Variants in NYNRIN observed in about 807,000 individuals in gnomAD.
NYNRIN encodes the protein protein NYNRIN.
In NYNRIN, 86 loss-of-function variants were observed where a neutral mutation model predicts 146.6. The observed-to-expected ratio is 0.59, with a 90% confidence interval of 0.49 to 0.70. The LOEUF (loss-of-function observed/expected upper bound fraction) is 0.70. Among genes scored for constraint, NYNRIN ranks in the 30% least tolerant of loss-of-function variants. The pLI is 0.00. For synonymous variants in NYNRIN, 1,027 were observed against 1,001.3 expected, an observed-to-expected ratio of 1.03 and a Z score of -0.48; for missense variants, 2,191 against 2,377.7, an observed-to-expected ratio of 0.92 and a Z score of 1.63.
rs568468228 is a variant in NYNRIN, at chr14:24,411,643, T to C, written c.2642+193T>C. On this transcript the variant is annotated intron_variant, in intron 6 of 8. Transcript: ENST00000382554. This position sits in a 1 kb window ranked among gnomAD's most constrained non-coding sequence, Gnocchi z 4.3. Reference sequence around the variant, plus strand: ...GGCACATTGAGGAAAGGGCTTGAGGTTGGCTCTCCCCAAGCCCGGAGTTGT... The same window carrying C: ...GGCACATTGAGGAAAGGGCTTGAGGCTGGCTCTCCCCAAGCCCGGAGTTGT... Among the ~76,000 whole-genome samples, 1 of 152,264 alleles carries C rather than the reference T, an allele frequency of 6.6e-6. No homozygotes were observed. Among genetic ancestry groups the C allele is most frequent in the Admixed American group, 6.5e-5 (1 of 15,304 alleles).
chr14:24,410,347 C>CAA, intron 4 of NYNRIN, 139 bp downstream of exon 4: 1 of 693,640 alleles, frequency 1.4e-6, no homozygotes, highest in Non-Finnish European at 2.4e-6. Context: ...AGTGGTCCAT[C>CAA]CATGTTGAAT....
In NYNRIN at chr14:24,399,393, C is replaced by G; in HGVS notation, c.147C>G (p.Pro49=). 1 of 1,613,662 alleles carries G rather than the reference C, an allele frequency of 6.2e-7. No individual in the cohort carries two copies. Among genetic ancestry groups the G allele is most frequent in the Non-Finnish European group, 8.5e-7 (1 of 1,179,734 alleles). ...CCTTCCAGAGCCGCCCGGACACCCC[C>G]TACTTCTGGCTACAGCTCGAGGGGC... is the stretch of plus-strand genomic sequence containing the variant. ...LNAFQSRPDT[P]YFWLQLEGPR... is the part of the protein sequence containing the mutation. The change falls in exon 2 of 9, where the codon CCC becomes CCG. Residue 49 remains proline (P), a synonymous_variant. Coordinates refer to ENST00000382554, the MANE Select transcript of NYNRIN (RefSeq NM_025081.3).
At chr14:24,400,785 CTTTTTT>C (rs376993405) in intron 2 of NYNRIN, among the ~76,000 whole-genome samples, 1 of 136,316 alleles carries the variant, frequency 7.3e-6, no homozygotes, top group African/African-American at 2.7e-5. Flanking sequence ...CTTTCTTTTT[CTTTTTT>C]TTTTTTTTTT....
In NYNRIN at chr14:24,413,051, G is replaced by A. The variant is rs748940351; in HGVS notation, c.2697G>A (p.Gln899=). The change falls in exon 7 of 9, where the codon CAG becomes CAA. Residue 899 remains glutamine (Q), a synonymous_variant. Transcript: ENST00000382554. ...ETDGIIVTNE[Q]IHILMNSSKK... ...ATGGCATCATTGTCACCAATGAGCA[G>A]ATTCACATCCTGATGAATAGTTCCA... 1.2e-6 allele frequency: 2 copies of A among 1,602,378 alleles called. No homozygotes were observed. The highest frequency in any genetic ancestry group is 1.7e-6 in the Non-Finnish European group (2 of 1,174,414).
In NYNRIN at chr14:24,399,089, G is replaced by A; in HGVS notation, c.-18+3G>A. 1 of 652,960 alleles carries A rather than the reference G, an allele frequency of 1.5e-6. No homozygotes were observed. The highest frequency in any genetic ancestry group is 2.5e-6 in the Non-Finnish European group (1 of 400,858). The allele number at this position is 652,960 out of a possible 1,614,324, so 40.4% of individuals were successfully genotyped here. A position where few individuals can be genotyped will look rare whatever the true frequency, so the allele number is the denominator to read the frequency against. ...GGCGGGCGCCCGAGCCGTGCGGGGT[G>A]GGTCCCGCCGCCTGGAGGAAGGAGG... On this transcript the variant is annotated splice_donor_region_variant and intron_variant, in intron 1 of 8. Transcript: ENST00000382554.
chr14:24,413,763 AT>A (rs778508172), intron 8 of NYNRIN, among the ~76,000 whole-genome samples: 2 of 151,844 alleles, frequency 1.3e-5, no homozygotes, highest in Non-Finnish European at 2.9e-5. Context: ...TACCCAATAG[AT>A]TTTTCTGTTT....
Position 24,409,960 on chromosome 14 carries a change from G to A in NYNRIN, c.2166G>A (p.Arg722=), listed in dbSNP as rs1006494539. The change falls in exon 4 of 9, where the codon AGG becomes AGA. Residue 722 remains arginine, a synonymous_variant. Coordinates refer to ENST00000382554, the MANE Select transcript of NYNRIN (RefSeq NM_025081.3). The part of the protein sequence containing the change: ...SLLKGQGQAG[R]QGPQSSGTLA... Reference sequence around the variant, plus strand: ...TGAAGGGCCAGGGGCAGGCTGGAAGGCAGGGTCCCCAGTCCAGTGGCACCT... The same window carrying A: ...TGAAGGGCCAGGGGCAGGCTGGAAGACAGGGTCCCCAGTCCAGTGGCACCT... 1.2e-6 allele frequency: 2 copies of A among 1,613,808 alleles called. No individual in the cohort carries two copies. The highest frequency in any genetic ancestry group is 2.2e-5 in the East Asian group (1 of 44,892).
Position 24,414,527 on chromosome 14 carries a change from A to G in NYNRIN, c.2847-69A>G, listed in dbSNP as rs1594742460. ...ACACTTTGGAATGGGGTTTCCACAG[A>G]GGTGCTTTCCCTTTGGAGGATTGCT... On this transcript the variant is annotated intron_variant, in intron 8 of 8. Transcript: ENST00000382554. 6 of 1,154,514 alleles carry G rather than the reference A, an allele frequency of 5.2e-6. No homozygotes were observed. The South Asian group carries it at 9.2e-5, about 18-fold the overall frequency. 71.5% of individuals were successfully genotyped at this position (1,154,514 alleles called of 1,614,324 possible). A position where few individuals can be genotyped will look rare whatever the true frequency, so the allele number is the denominator to read the frequency against.
rs2042911253 is a variant in NYNRIN at position 24,411,267 on chromosome 14, TG to T, written c.2545+62del. ...TCACCAAGCTTTCTTCTCTCTGCCT[TG>T]CTGCCCCGACCCTCTGCCACCCCAG... is the stretch of plus-strand genomic sequence containing the variant. On this transcript the variant is annotated intron_variant, in intron 5 of 8. Coordinates refer to ENST00000382554, the MANE Select transcript of NYNRIN (RefSeq NM_025081.3). The surrounding 1 kb of genome is among the most constrained non-coding windows in gnomAD (Gnocchi z 4.3). The T allele has an allele frequency of 1.2e-6, 2 of 1,612,592 alleles. No individual in the cohort carries two copies. Among genetic ancestry groups the T allele is most frequent in the Admixed American group, 1.7e-5 (1 of 59,826 alleles).
intron 7 of NYNRIN, 97 bp from the exon 8 acceptor site, chr14:24,413,219 G>C: frequency 7.3e-7 from 1 of 1,362,262 alleles, no homozygotes; most frequent in Non-Finnish European, 1.0e-6. Flanking sequence ...CACCTGCCAG[G>C]ATGTGGGTCT....
Position 24,408,512 on chromosome 14 carries a change from C to G in NYNRIN, c.842C>G (p.Ala281Gly). ...GCCCAGAGCACACCGCAGGAGGCAG[C>G]AAACCAGCTGGTACGGTAAGTTCTG... is the stretch of plus-strand genomic sequence containing the variant. ...ITAQSTPQEA[A>G]NQLVRVGSNN... Residue 281 changes from alanine (A) to glycine (G), a missense_variant, in exon 3 of 9, where the codon GCA (alanine) becomes GGA (glycine). Coordinates refer to ENST00000382554, the MANE Select transcript of NYNRIN (RefSeq NM_025081.3). 1 of 1,577,796 alleles carries G rather than the reference C, an allele frequency of 6.3e-7. No homozygotes were observed. Among genetic ancestry groups the G allele is most frequent in the Non-Finnish European group, 8.6e-7 (1 of 1,161,552 alleles).
In NYNRIN at chr14:24,417,474, C is replaced by T. The variant is rs1452790101; in HGVS notation, c.*28C>T. ...GGGAGCAGCGGGGGTGCCCCCTGCC[C>T]CAGGGCCGTGGGTTTCTGCTGCTAG... On this transcript the variant is annotated 3_prime_UTR_variant, in exon 9 of 9. Transcript: ENST00000382554. The T allele has an allele frequency of 5.5e-6, 8 of 1,444,328 alleles. No homozygotes were observed. The highest frequency in any genetic ancestry group is 7.3e-6 in the Non-Finnish European group (8 of 1,101,198). 89.5% of individuals were successfully genotyped at this position (1,444,328 alleles called of 1,614,324 possible). A position where few individuals can be genotyped will look rare whatever the true frequency, so the allele number is the denominator to read the frequency against.
At position 24,414,906 on chromosome 14, in the gene NYNRIN, G is replaced by A; in HGVS notation, c.3157G>A (p.Asp1053Asn). ...CCATGATCCCCCTGATGGGGCCCTG[G>A]ACATCGACCTCCTGCCAGGGGCAGC... ...SLHDPPDGAL[D>N]IDLLPGAASP... The change falls in exon 9 of 9, where the codon GAC becomes AAC. Residue 1053 changes from aspartate to asparagine, a missense_variant. Asp to Asn is a conservative substitution (Grantham distance 23, BLOSUM62 1). This residue lies in a region of NYNRIN where 1,291 missense variants were observed against 1,417.0 expected (regional missense o/e 0.91). Transcript: ENST00000382554. The A allele has an allele frequency of 1.2e-6, 2 of 1,604,936 alleles. No homozygotes were observed. Among genetic ancestry groups the A allele is most frequent in the South Asian group, 1.1e-5 (1 of 90,760 alleles).
chr14:24,415,702 A>G lies in NYNRIN; in HGVS notation c.3953A>G (p.Tyr1318Cys). Residue 1318 changes from tyrosine (Y) to cysteine (C), a missense_variant, in exon 9 of 9, where the codon TAC becomes TGC. Tyr to Cys is a radical substitution (Grantham distance 194). Around this residue, in one of 3 missense-constraint regions of NYNRIN, gnomAD observed 1,291 missense variants for 1,417.0 expected, o/e 0.91. Coordinates refer to ENST00000382554, the MANE Select transcript of NYNRIN (RefSeq NM_025081.3). ...VCIHMSGYCFYREDEWCAGFG... is the reference protein window; with the variant it reads ...VCIHMSGYCFCREDEWCAGFG... ...ATCCACATGTCGGGCTACTGCTTCT[A>G]CCGTGAGGATGAGTGGTGTGCTGGC... is the stretch of plus-strand genomic sequence containing the variant. 10 of 1,613,896 alleles carry G rather than the reference A, an allele frequency of 6.2e-6. No individual in the cohort carries two copies. Among genetic ancestry groups the G allele is most frequent in the Non-Finnish European group, 7.6e-6 (9 of 1,179,854 alleles).
chr14:24,415,175 G>A lies in NYNRIN; in HGVS notation c.3426G>A (p.Lys1142=). The A allele has an allele frequency of 6.2e-7, 1 of 1,607,964 alleles. No individual in the cohort carries two copies. The highest frequency in any genetic ancestry group is 1.7e-4 in the Middle Eastern group (1 of 6,060). ...QEHEEAFLAL[K]RALVSALCLM... ...ATGAGGAGGCCTTCCTGGCCCTGAAGCGAGCCCTGGTGTCTGCCCTCTGCC... is the reference window on the plus strand; with the variant it reads ...ATGAGGAGGCCTTCCTGGCCCTGAAACGAGCCCTGGTGTCTGCCCTCTGCC... The change falls in exon 9 of 9, where the codon AAG becomes AAA. Residue 1142 remains lysine, a synonymous_variant. Transcript: ENST00000382554.
Position 24,415,778 on chromosome 14 carries a change from C to A in NYNRIN, c.4029C>A (p.Phe1343Leu), listed in dbSNP as rs746309161. The change falls in exon 9 of 9, where the codon TTC (phenylalanine) becomes TTA (leucine). Residue 1343 changes from phenylalanine to leucine, a missense_variant. By Grantham distance (22) the Phe-to-Leu change is conservative. Transcript: ENST00000382554. ...SPTSPPVSLS[F>L]SCSPYTPTYA... ...CCAGCCCCCCTGTCTCCCTTTCCTTCTCCTGCTCCCCTTACACGCCAACCT... is the reference window on the plus strand; with the variant it reads ...CCAGCCCCCCTGTCTCCCTTTCCTTATCCTGCTCCCCTTACACGCCAACCT... 6.2e-7 allele frequency: 1 copy of A among 1,614,018 alleles called. No individual in the cohort carries two copies.
rs915931676 is a variant in NYNRIN, at chr14:24,418,932, G to C, written c.*1486G>C. The stretch of plus-strand genomic sequence containing the variant: ...GGGTTCTGGCAACAGGTTCAAGCTG[G>C]AGAATCCTTCAAAATGCTACACCCA... On this transcript the variant is annotated 3_prime_UTR_variant, in exon 9 of 9. Transcript: ENST00000382554. 6.6e-6 allele frequency: 1 copy of C among 152,210 alleles called. No homozygotes were observed. Among genetic ancestry groups the C allele is most frequent in the African/African-American group, 2.4e-5 (1 of 41,428 alleles). The allele number at this position is 152,210 out of a possible 1,614,324, so 9.4% of individuals were successfully genotyped here. A position where few individuals can be genotyped will look rare whatever the true frequency, so the allele number is the denominator to read the frequency against.
intron 2 of NYNRIN, among the ~76,000 whole-genome samples, chr14:24,407,644 T>G (rs1472018717): frequency 6.6e-6 from 1 of 152,210 alleles, no homozygotes; most frequent in African/African-American, 2.4e-5. Context: ...TCTCCCAGGC[T>G]TCCCTGTTCT....
intron 2 of NYNRIN, among the ~76,000 whole-genome samples, chr14:24,406,216 T>TAAAATAA (rs2042874469): frequency 7.0e-6 from 1 of 142,602 alleles, no homozygotes; most frequent in Non-Finnish European, 1.6e-5. Flanking sequence ...TAAAATAAAA[T>TAAAATAA]AAAATAAAAT....
Sources: allele counts gnomAD v4.1 joint callset (sites outside exome capture counted in the v4.1 genomes callset), GRCh38; gene constraint gnomAD v4.1.1; regional missense constraint gnomAD v4.1.1; non-coding constraint Gnocchi (gnomAD v3.1); transcripts MANE v1.5; gene names NCBI Gene and HGNC (gene_info 2026-07-23, HGNC 2026-07-21).